The following PARD3B variants were observed in gnomAD, a reference collection of about 807,000 sequenced individuals.
PARD3B encodes partitioning defective 3 homolog B.
In PARD3B, 103 loss-of-function variants were observed where a neutral mutation model predicts 130.2. The observed-to-expected ratio is 0.79, with a 90% confidence interval of 0.67 to 0.93. The LOEUF is 0.93. Ranked by LOEUF, PARD3B falls within the 40% of genes least tolerant of loss-of-function variation. PARD3B has a pLI of 0.00. For missense variants in PARD3B, 1,609 were observed against 1,499.2 expected (o/e 1.07, Z -1.21); for synonymous variants, 583 against 553.2 (o/e 1.05, Z -0.76).
chr2:205,595,381 A>C (rs886685164), intron 22 of PARD3B, among the ~76,000 whole-genome samples: 1 of 152,238 alleles, frequency 6.6e-6, no homozygotes, highest in Non-Finnish European at 1.5e-5. Context: ...AACGGTAAAT[A>C]ACATTTTATT....
intron 3 of PARD3B, among the ~76,000 whole-genome samples, chr2:204,968,014 C>T (rs976939390): frequency 3.3e-5 from 5 of 152,028 alleles, no homozygotes; most frequent in African/African-American, 1.2e-4. Context: ...CTTCATCTCC[C>T]TTCCCCAGTC....
chr2:204,660,345 A>G (rs1250000674), intron 1 of PARD3B, among the ~76,000 whole-genome samples: 1 of 152,202 alleles, frequency 6.6e-6, no homozygotes. Context: ...GATACTTCCA[A>G]GTATCCTAAA....
At chr2:204,579,906 AG>A (rs962636900) in intron 1 of PARD3B, among the ~76,000 whole-genome samples, 1 of 152,246 alleles carries the variant, frequency 6.6e-6, no homozygotes, top group African/African-American at 2.4e-5. Flanking sequence ...GGGTTTGGTT[AG>A]GAAAGTAGCA....
At position 205,287,598 on chromosome 2, in the gene PARD3B, G is replaced by A. The variant is rs13030724; in HGVS notation, c.2186-12932G>A. On this transcript the variant is annotated intron_variant, in intron 16 of 22. Coordinates refer to ENST00000406610, the MANE Select transcript of PARD3B (RefSeq NM_001302769.2). The surrounding 1 kb of genome is among the most constrained non-coding windows in gnomAD (Gnocchi z 4.8). ...TGCACTGATTAGTCATGTCTGGGTC[G>A]TAGGCACACTGAATGAGAGTTGAGG... 0.095 allele frequency among the ~76,000 whole-genome samples: 14,498 copies of A among 152,152 alleles called. 1,544 individuals carry two copies. Among genetic ancestry groups the A allele is most frequent in the African/African-American group, 0.27 (11,166 of 41,476 alleles).
At position 205,617,271 on chromosome 2, in the gene PARD3B, C is replaced by T. The variant is rs1559277916; in HGVS notation, c.*1458C>T. The T allele has an allele frequency of 6.6e-6, 1 of 152,392 alleles. No homozygotes were observed. 9.4% of individuals were successfully genotyped at this position (152,392 alleles called of 1,614,324 possible). ...CAAAAGATGTGGAAGACAGCAAAAC[C>T]TGAGCACTGGTTTGAACCAGGCACT... On this transcript the variant is annotated 3_prime_UTR_variant, in exon 23 of 23. Coordinates refer to ENST00000406610, the MANE Select transcript of PARD3B (RefSeq NM_001302769.2).
intron 2 of PARD3B, among the ~76,000 whole-genome samples, chr2:204,877,574 A>G (rs1160587581): frequency 6.6e-6 from 1 of 152,102 alleles, no homozygotes; most frequent in Non-Finnish European, 1.5e-5. Flanking sequence ...GACTGTATAT[A>G]TTAATAATTC....
chr2:204,564,197 C>G (rs1035772174), intron 1 of PARD3B, among the ~76,000 whole-genome samples: 3 of 152,162 alleles, frequency 2.0e-5, no homozygotes. Flanking sequence ...TGTGTCATGT[C>G]CCCCACGTAG....
chr2:204,720,970 A>G (rs1406919325), intron 2 of PARD3B, among the ~76,000 whole-genome samples: 1 of 151,824 alleles, frequency 6.6e-6, no homozygotes, highest in Non-Finnish European at 1.5e-5. Context: ...TAAGGAACAT[A>G]AAAAAAAGAC....
intron 2 of PARD3B, among the ~76,000 whole-genome samples, chr2:204,703,015 C>T (rs901098715): frequency 6.6e-6 from 1 of 152,050 alleles, no homozygotes; most frequent in Non-Finnish European, 1.5e-5. Flanking sequence ...TTTATTGATA[C>T]TTTATTAATT....
rs2041623849 is a variant in PARD3B at position 205,291,946 on chromosome 2, C to G, written c.2186-8584C>G. Among the ~76,000 whole-genome samples the G allele has an allele frequency of 6.6e-6, 1 of 152,202 alleles. No homozygotes were observed. The highest frequency in any genetic ancestry group is 1.5e-5 in the Non-Finnish European group (1 of 68,036). On this transcript the variant is annotated intron_variant, in intron 16 of 22. Transcript: ENST00000406610. The surrounding 1 kb of genome is among the most constrained non-coding windows in gnomAD (Gnocchi z 4.6). Reference sequence around the variant, plus strand: ...TTCAGTGATCATCAGGACAATCCTTCCTACCAACAGGCCCAGAGTGCAAGG... The same window carrying G: ...TTCAGTGATCATCAGGACAATCCTTGCTACCAACAGGCCCAGAGTGCAAGG...
intron 2 of PARD3B, 87 bp from the exon 3 acceptor site, chr2:204,965,065 A>G: frequency 2.2e-6 from 3 of 1,339,982 alleles, no homozygotes; most frequent in Non-Finnish European, 2.0e-6. Flanking sequence ...TTTCTTTGCA[A>G]CCAAATAAAG....
At chr2:205,408,465 C>T (rs982998512) in intron 19 of PARD3B, among the ~76,000 whole-genome samples, 1 of 152,022 alleles carries the variant, frequency 6.6e-6, no homozygotes, top group Non-Finnish European at 1.5e-5. Flanking sequence ...AACATTTGTT[C>T]ATATTGAAAA....
At chr2:205,343,488 A>C (rs1372588008) in intron 18 of PARD3B, among the ~76,000 whole-genome samples, 1 of 152,200 alleles carries the variant, frequency 6.6e-6, no homozygotes, top group Non-Finnish European at 1.5e-5. Context: ...TTCAGATCCT[A>C]CAGGGAAACT....
At chr2:205,485,552 T>C (rs1224181293) in intron 20 of PARD3B, among the ~76,000 whole-genome samples, 1 of 152,170 alleles carries the variant, frequency 6.6e-6, no homozygotes, top group Non-Finnish European at 1.5e-5. Context: ...TTGTGATATA[T>C]GGGGTTACAG....
At chr2:204,778,014 T>C (rs546731647) in intron 2 of PARD3B, among the ~76,000 whole-genome samples, 2 of 152,204 alleles carry the variant, frequency 1.3e-5, no homozygotes, top group Admixed American at 6.5e-5. Flanking sequence ...CCTTCAGCCA[T>C]GATTGTAAGT....
chr2:204,625,657 T>C (rs2034462504), intron 1 of PARD3B, among the ~76,000 whole-genome samples: 1 of 152,206 alleles, frequency 6.6e-6, no homozygotes, highest in South Asian at 2.1e-4. Context: ...TAGCTCTAGG[T>C]ATATTTATAA....
intron 4 of PARD3B, among the ~76,000 whole-genome samples, chr2:205,074,228 C>A (rs1357977095): frequency 6.6e-6 from 1 of 152,008 alleles, no homozygotes; most frequent in African/African-American, 2.4e-5. Context: ...TTCAAATTGT[C>A]TATTTGAATA....
chr2:204,597,240 T>A (rs571912958), intron 1 of PARD3B, among the ~76,000 whole-genome samples: 1 of 151,780 alleles, frequency 6.6e-6, no homozygotes, highest in South Asian at 2.1e-4. Context: ...TTTTCTTATG[T>A]GGCAGGAGCC....
At chr2:204,945,008 G>A (rs763006085) in intron 2 of PARD3B, among the ~76,000 whole-genome samples, 4 of 152,324 alleles carry the variant, frequency 2.6e-5, no homozygotes, top group East Asian at 1.9e-4. Context: ...CTGGGATGGG[G>A]ACAATGAGGG....
Sources: gnomAD v4.1 joint callset for allele counts (sites outside exome capture counted in the v4.1 genomes callset) on GRCh38, gnomAD v4.1.1 for gene constraint, Gnocchi (gnomAD v3.1) non-coding constraint, MANE v1.5 for transcripts, NCBI Gene and HGNC (gene_info 2026-07-23, HGNC 2026-07-21) for gene names.